The following PLXDC2 variants were observed in gnomAD, a reference collection of about 807,000 sequenced individuals.
PLXDC2 encodes the protein plexin domain-containing protein 2.
A neutral mutation model predicts 68.9 loss-of-function variants in PLXDC2; 40 were observed. That is an observed-to-expected ratio of 0.58 (90% CI 0.45 to 0.76). The LOEUF (loss-of-function observed/expected upper bound fraction) is 0.76. Among genes scored for constraint, PLXDC2 ranks in the 30% least tolerant of loss-of-function variants. PLXDC2 has a pLI of 0.00. For missense variants in PLXDC2, 644 were observed against 661.9 expected (o/e 0.97, Z 0.30); for synonymous variants, 243 against 234.2 (o/e 1.04, Z -0.34).
At chr10:20,247,279 G>A (rs1435352181) in intron 13 of PLXDC2, among the ~76,000 whole-genome samples, 1 of 143,698 alleles carries the variant, frequency 7.0e-6, no homozygotes, top group Admixed American at 7.1e-5. Flanking sequence ...GGGCAACATG[G>A]TGAAACTTCA....
chr10:19,993,829 A>G (rs1834793775), intron 1 of PLXDC2, among the ~76,000 whole-genome samples: 1 of 152,194 alleles, frequency 6.6e-6, no homozygotes, highest in Non-Finnish European at 1.5e-5. Flanking sequence ...ACATTACCCT[A>G]CAATGGCCCA....
At chr10:20,012,479 C>CT (rs66484623) in intron 2 of PLXDC2, among the ~76,000 whole-genome samples, 104 of 143,772 alleles carry the variant, frequency 7.2e-4, no homozygotes, top group Non-Finnish European at 7.2e-4. Context: ...CCACGCCCAG[C>CT]TTTTTTTTTT....
chr10:20,157,374 T>G (rs894313132), intron 6 of PLXDC2, among the ~76,000 whole-genome samples: 10 of 152,172 alleles, frequency 6.6e-5, no homozygotes, highest in African/African-American at 2.4e-4. Context: ...TACTATACAA[T>G]CAAACCCTTG....
chr10:20,089,969 C>T (rs1339535443), intron 4 of PLXDC2, among the ~76,000 whole-genome samples: 1 of 152,114 alleles, frequency 6.6e-6, no homozygotes, highest in Admixed American at 6.5e-5. Flanking sequence ...AGGGAAGGCT[C>T]ATCGTTGCCT....
chr10:19,839,935 C>T (rs189245052), intron 1 of PLXDC2, among the ~76,000 whole-genome samples: 2 of 152,230 alleles, frequency 1.3e-5, no homozygotes, highest in East Asian at 3.9e-4. Flanking sequence ...AAAATTTCAT[C>T]GTTTGAATAG....
At chr10:20,278,199 C>A (rs1332416889) in intron 13 of PLXDC2, among the ~76,000 whole-genome samples, 1 of 152,100 alleles carries the variant, frequency 6.6e-6, no homozygotes, top group Non-Finnish European at 1.5e-5. Context: ...GTTCTTGCTA[C>A]CAACTAGCCT....
At chr10:20,000,699 T>G (rs1834920063) in intron 1 of PLXDC2, among the ~76,000 whole-genome samples, 1 of 152,176 alleles carries the variant, frequency 6.6e-6, no homozygotes, top group Non-Finnish European at 1.5e-5. Context: ...TTATTAGAGT[T>G]CTAAGTAGCT....
chr10:20,086,489 G>A (rs1055034581), intron 4 of PLXDC2, among the ~76,000 whole-genome samples: 1 of 151,802 alleles, frequency 6.6e-6, no homozygotes, highest in Non-Finnish European at 1.5e-5. Flanking sequence ...ATTATGCTCA[G>A]CCTTGTTATG....
intron 1 of PLXDC2, among the ~76,000 whole-genome samples, chr10:19,930,751 T>A (rs1032865282): frequency 2.6e-5 from 4 of 152,014 alleles, no homozygotes; most frequent in African/African-American, 9.7e-5. Flanking sequence ...TCACCTGAGG[T>A]TGGGAGTTCA....
At chr10:20,181,490 G>A (rs1453410880) in intron 9 of PLXDC2, among the ~76,000 whole-genome samples, 1 of 152,044 alleles carries the variant, frequency 6.6e-6, no homozygotes, top group African/African-American at 2.4e-5. Flanking sequence ...GCCAGTAGTT[G>A]TTCTTGACTC....
At chr10:20,103,607 AG>A (rs1224237882) in intron 4 of PLXDC2, among the ~76,000 whole-genome samples, 7 of 150,200 alleles carry the variant, frequency 4.7e-5, no homozygotes, top group Admixed American at 6.6e-5. Context: ...AGAGAGAGAG[AG>A]AGAGAAAACT....
intron 1 of PLXDC2, among the ~76,000 whole-genome samples, chr10:19,931,629 G>C (rs753105977): frequency 1.3e-5 from 2 of 152,160 alleles, no homozygotes; most frequent in Non-Finnish European, 2.9e-5. Flanking sequence ...AGTGGGGTGA[G>C]ATATATTTTC....
intron 1 of PLXDC2, among the ~76,000 whole-genome samples, chr10:19,837,605 T>C (rs1836824109): frequency 1.3e-5 from 2 of 152,186 alleles, no homozygotes; most frequent in Non-Finnish European, 2.9e-5. Flanking sequence ...TGATCCGACC[T>C]AGTTTAACTT....
chr10:20,258,808 C>G lies in PLXDC2; in HGVS notation c.1473+13303C>G, dbSNP rs142817256. Among the ~76,000 whole-genome samples the G allele has an allele frequency of 4.0e-3, 611 of 152,040 alleles. 4 individuals are homozygous for G. The highest frequency in any genetic ancestry group is 0.013 in the African/African-American group (558 of 41,478). On this transcript the variant is annotated intron_variant, in intron 13 of 13. Coordinates refer to ENST00000377252, the MANE Select transcript of PLXDC2 (RefSeq NM_032812.9). ...GAATCACGAGGTCAGGAGATCGAGA[C>G]CATCCTGGCTAACACGGTGAAACCC...
intron 2 of PLXDC2, among the ~76,000 whole-genome samples, chr10:20,035,220 G>C (rs1488950815): frequency 6.6e-6 from 1 of 152,022 alleles, no homozygotes. Context: ...TATGGCAAAC[G>C]ACATCAAACC....
chr10:20,003,961 C>T (rs1834983248), intron 2 of PLXDC2, among the ~76,000 whole-genome samples: 1 of 152,124 alleles, frequency 6.6e-6, no homozygotes, highest in Non-Finnish European at 1.5e-5. Flanking sequence ...CGTGCTGGTA[C>T]ATTCTTTCTC....
chr10:20,261,381 A>G (rs1171855238), intron 13 of PLXDC2, among the ~76,000 whole-genome samples: 1 of 152,176 alleles, frequency 6.6e-6, no homozygotes, highest in Non-Finnish European at 1.5e-5. Context: ...GTGTAAGAGA[A>G]AGGTCCAGTT....
At chr10:19,914,669 A>G (rs1480300017) in intron 1 of PLXDC2, among the ~76,000 whole-genome samples, 4 of 152,226 alleles carry the variant, frequency 2.6e-5, no homozygotes, top group South Asian at 4.1e-4. Flanking sequence ...GAACAATTCT[A>G]TAGCATAGAC....
chr10:19,846,037 C>A (rs1260186949), intron 1 of PLXDC2, among the ~76,000 whole-genome samples: 1 of 152,148 alleles, frequency 6.6e-6, no homozygotes, highest in Non-Finnish European at 1.5e-5. Flanking sequence ...TTATTTAATT[C>A]CTTCAGGTCA....
Sources: gnomAD v4.1 joint callset for allele counts (sites outside exome capture counted in the v4.1 genomes callset) on GRCh38, gnomAD v4.1.1 for gene constraint, MANE v1.5 for transcripts, NCBI Gene and HGNC (gene_info 2026-07-23, HGNC 2026-07-21) for gene names.